Variants in PARD3 observed in about 807,000 individuals in gnomAD.
PARD3 encodes the protein partitioning defective 3 homolog.
PARD3 carries 75 observed loss-of-function variants against 155.4 expected under a neutral mutation model. The observed-to-expected ratio is 0.48, with a 90% CI of 0.40 to 0.58. The LOEUF (loss-of-function observed/expected upper bound fraction) is 0.58. PARD3 is among the 20% of genes least tolerant of loss of function. The pLI, the probability that PARD3 is intolerant of heterozygous loss-of-function variation, is 0.00. For missense variants in PARD3, 1,642 were observed against 1,721.7 expected, an observed-to-expected ratio of 0.95 and a Z score of 0.82; for synonymous variants, 576 against 610.5, an observed-to-expected ratio of 0.94 and a Z score of 0.83.
intron 20 of PARD3, among the ~76,000 whole-genome samples, chr10:34,316,509 A>G (rs1958014190): frequency 6.6e-6 from 1 of 152,244 alleles, no homozygotes; most frequent in Non-Finnish European, 1.5e-5. Flanking sequence ...TAATGAACGC[A>G]GCTTAATTGA....
intron 22 of PARD3, among the ~76,000 whole-genome samples, chr10:34,248,262 A>T (rs1453223500): frequency 6.6e-6 from 1 of 152,212 alleles, no homozygotes; most frequent in East Asian, 1.9e-4. Flanking sequence ...TGGTAAAAAA[A>T]AATACCAGAT....
intron 2 of PARD3, among the ~76,000 whole-genome samples, chr10:34,670,569 T>C (rs943500356): frequency 6.6e-6 from 1 of 152,218 alleles, no homozygotes; most frequent in Non-Finnish European, 1.5e-5. Context: ...CCCATCCCAC[T>C]ACCACTGGAG....
At chr10:34,705,404 C>T (rs2094348143) in intron 1 of PARD3, among the ~76,000 whole-genome samples, 1 of 151,738 alleles carries the variant, frequency 6.6e-6, no homozygotes, top group Non-Finnish European at 1.5e-5. Context: ...AGGAGGATCA[C>T]TTGAGCCCGG....
chr10:34,374,013 T>C (rs983329766), intron 11 of PARD3, among the ~76,000 whole-genome samples: 2 of 152,162 alleles, frequency 1.3e-5, no homozygotes, highest in African/African-American at 4.8e-5. Flanking sequence ...AAGAGCTAGA[T>C]GAAAAGGATG....
chr10:34,799,827 C>CAA (rs144788568), intron 1 of PARD3, among the ~76,000 whole-genome samples: 268 of 141,266 alleles, frequency 1.9e-3, no homozygotes, highest in South Asian at 6.8e-3. Context: ...CTCATCTCTA[C>CAA]AAAAAAAAAA....
chr10:34,631,754 T>C (rs1423604523), intron 2 of PARD3, among the ~76,000 whole-genome samples: 1 of 152,172 alleles, frequency 6.6e-6, no homozygotes, highest in Non-Finnish European at 1.5e-5. Context: ...CATGCCACTA[T>C]ATCTGGTTAA....
At chr10:34,762,698 G>A (rs573808747) in intron 1 of PARD3, among the ~76,000 whole-genome samples, 1 of 152,176 alleles carries the variant, frequency 6.6e-6, no homozygotes, top group East Asian at 1.9e-4. Context: ...TGATGTATTG[G>A]AGACTGGGAG....
At chr10:34,343,428 C>T (rs1336584893) in intron 15 of PARD3, 5 of 981,594 alleles carry the variant, frequency 5.1e-6, no homozygotes, top group Admixed American at 6.2e-5. Flanking sequence ...AATATTATAC[C>T]TTAACTGTTG....
At chr10:34,683,761 T>C (rs900572640) in intron 2 of PARD3, among the ~76,000 whole-genome samples, 1 of 152,022 alleles carries the variant, frequency 6.6e-6, no homozygotes, top group Non-Finnish European at 1.5e-5. Flanking sequence ...GTGAGGACCC[T>C]CACTTTTCAT....
intron 5 of PARD3, among the ~76,000 whole-genome samples, chr10:34,430,324 A>AG (rs2075838160): frequency 6.6e-6 from 1 of 152,212 alleles, no homozygotes; most frequent in Admixed American, 6.5e-5. Flanking sequence ...ATCCTAACCT[A>AG]GAATATCTTA....
chr10:34,409,123 C>T (rs1844792802), intron 5 of PARD3, among the ~76,000 whole-genome samples: 1 of 152,098 alleles, frequency 6.6e-6, no homozygotes, highest in African/African-American at 2.4e-5. Flanking sequence ...TTAACACAGT[C>T]CATGAAATTT....
chr10:34,514,835 A>C (rs1178706794), intron 3 of PARD3, among the ~76,000 whole-genome samples: 1 of 152,214 alleles, frequency 6.6e-6, no homozygotes, highest in Non-Finnish European at 1.5e-5. Context: ...AAAGTATGTT[A>C]ATCAAATTCA....
intron 1 of PARD3, among the ~76,000 whole-genome samples, chr10:34,752,711 TG>T (rs1836207428): frequency 6.6e-6 from 1 of 152,242 alleles, no homozygotes; most frequent in Non-Finnish European, 1.5e-5. Flanking sequence ...GCAAAGTGCA[TG>T]TTGCATGCTA....
At chr10:34,569,334 T>A (rs1366317638) in intron 2 of PARD3, among the ~76,000 whole-genome samples, 1 of 152,224 alleles carries the variant, frequency 6.6e-6, no homozygotes, top group Non-Finnish European at 1.5e-5. Context: ...GTTTGATTTT[T>A]AAATATTTTT....
intron 9 of PARD3, among the ~76,000 whole-genome samples, chr10:34,378,362 T>C (rs991034617): frequency 5.9e-5 from 9 of 152,340 alleles, no homozygotes; most frequent in East Asian, 3.9e-4. Context: ...AAAGTTAATA[T>C]GTAAATATGA....
At chr10:34,573,076 C>A (rs1158102496) in intron 2 of PARD3, among the ~76,000 whole-genome samples, 2 of 152,090 alleles carry the variant, frequency 1.3e-5, no homozygotes, top group African/African-American at 4.8e-5. Context: ...AAGGATAAGT[C>A]AGGTGATGGC....
At chr10:34,689,198 G>A (rs1021457708) in intron 2 of PARD3, among the ~76,000 whole-genome samples, 1 of 152,140 alleles carries the variant, frequency 6.6e-6, no homozygotes, top group Admixed American at 6.5e-5. Context: ...TCCTTACTTG[G>A]AGCAGCTGCC....
chr10:34,534,526 C>A (rs1208540762), intron 2 of PARD3, among the ~76,000 whole-genome samples: 1 of 152,112 alleles, frequency 6.6e-6, no homozygotes, highest in Non-Finnish European at 1.5e-5. Flanking sequence ...TTCTGTTCGT[C>A]TAATAAATGA....
Position 34,382,735 on chromosome 10 carries a change from C to T in PARD3, c.1204G>A (p.Val402Met), listed in dbSNP as rs1486849058. The T allele has an allele frequency of 6.2e-7, 1 of 1,614,152 alleles. No homozygotes were observed. Among genetic ancestry groups the T allele is most frequent in the Non-Finnish European group, 8.5e-7 (1 of 1,180,020 alleles). The part of the protein sequence containing the change: ...RSVNSAGLHT[V>M]QRAPRLNHPP... The stretch of plus-strand genomic sequence containing the variant: ...TGGTTCAGTCGGGGTGCTCTCTGCA[C>T]CGTGTGAAGCCCTGCACTGTTCACA... Residue 402 changes from valine to methionine, a missense_variant, in exon 9 of 25, where the codon GTG (valine) becomes ATG (methionine). Physicochemically the swap from Val to Met is conservative, Grantham distance 21. Transcript: ENST00000374788.
Sources: allele counts gnomAD v4.1 joint callset (sites outside exome capture counted in the v4.1 genomes callset), GRCh38; gene constraint gnomAD v4.1.1; transcripts MANE v1.5; gene names NCBI Gene and HGNC (gene_info 2026-07-23, HGNC 2026-07-21).